The following GALNTL6 variants were observed in gnomAD, a reference collection of about 807,000 sequenced individuals.
GALNTL6 encodes the protein polypeptide N-acetylgalactosaminyltransferase-like 6.
Under a neutral mutation model 73.7 loss-of-function variants are expected in GALNTL6, and 46 were observed. The observed-to-expected ratio is 0.62, with a 90% confidence interval of 0.49 to 0.80. The LOEUF (loss-of-function observed/expected upper bound fraction) is 0.80. Among genes scored for constraint, GALNTL6 ranks in the 30% least tolerant of loss-of-function variants. The probability of loss-of-function intolerance (pLI) is 0.00; values close to 1 mark genes in which losing one functional copy is unlikely to be tolerated. For synonymous variants in GALNTL6, 259 were observed against 263.7 expected (o/e 0.98, Z 0.17); for missense variants, 604 against 755.0 (o/e 0.80, Z 2.34).
chr4:172,988,968 C>T (rs991418164), intron 10 of GALNTL6, among the ~76,000 whole-genome samples: 1 of 152,226 alleles, frequency 6.6e-6, no homozygotes, highest in Non-Finnish European at 1.5e-5. Context: ...GGGGCAAGCC[C>T]TCATGGAGAA....
chr4:172,997,026 A>G (rs1751826958), intron 10 of GALNTL6, among the ~76,000 whole-genome samples: 1 of 152,034 alleles, frequency 6.6e-6, no homozygotes, highest in South Asian at 2.1e-4. Flanking sequence ...CTTCATTGTC[A>G]TGTCTCCATC....
chr4:171,951,038 G>C (rs1324026101), intron 2 of GALNTL6, among the ~76,000 whole-genome samples: 12 of 152,050 alleles, frequency 7.9e-5, no homozygotes, highest in Admixed American at 7.9e-4. Context: ...AAGTGTATCA[G>C]TCTATTTAAT....
intron 7 of GALNTL6, among the ~76,000 whole-genome samples, chr4:172,816,451 T>G (rs980136570): frequency 1.3e-5 from 2 of 152,198 alleles, no homozygotes; most frequent in African/African-American, 4.8e-5. Context: ...TGGATTGAAT[T>G]CAATTGAAAA....
chr4:172,482,343 GCTC>G (rs750795217), intron 5 of GALNTL6, among the ~76,000 whole-genome samples: 24 of 152,242 alleles, frequency 1.6e-4, no homozygotes, highest in Non-Finnish European at 3.1e-4. Flanking sequence ...GGGCTGAAGG[GCTC>G]CTCAAGCGTG....
chr4:172,927,652 G>C (rs528441148), intron 8 of GALNTL6, among the ~76,000 whole-genome samples: 1 of 152,192 alleles, frequency 6.6e-6, no homozygotes, highest in East Asian at 1.9e-4. Context: ...AGTGCTGGCA[G>C]CTAATGTTGG....
chr4:172,528,963 A>ATATATATATATATATATG (rs1350827830), intron 5 of GALNTL6, among the ~76,000 whole-genome samples: 771 of 30,226 alleles, frequency 0.026, 58 homozygotes, highest in African/African-American at 0.049. Flanking sequence ...ATATATATAT[A>ATATATATATATATATATG]TGTGTGTGTA....
intron 2 of GALNTL6, among the ~76,000 whole-genome samples, chr4:172,177,819 G>GTATATATATACATGTGTA (rs1242145425): frequency 7.6e-6 from 1 of 131,390 alleles, no homozygotes; most frequent in African/African-American, 3.3e-5. Context: ...ATATGTGTGT[G>GTATATATATACATGTGTA]TATATATACA....
chr4:172,302,043 T>C (rs1739950079), intron 3 of GALNTL6, among the ~76,000 whole-genome samples: 1 of 152,132 alleles, frequency 6.6e-6, no homozygotes, highest in Non-Finnish European at 1.5e-5. Flanking sequence ...AGCCGCTTTG[T>C]TTACCTACTC....
At chr4:172,686,061 A>G (rs1416500964) in intron 5 of GALNTL6, among the ~76,000 whole-genome samples, 1 of 152,198 alleles carries the variant, frequency 6.6e-6, no homozygotes, top group Non-Finnish European at 1.5e-5. Context: ...TTAGACCACT[A>G]TATTTTTTTA....
At chr4:172,896,860 G>C (rs984479874) in intron 8 of GALNTL6, among the ~76,000 whole-genome samples, 2 of 152,130 alleles carry the variant, frequency 1.3e-5, no homozygotes, top group African/African-American at 4.8e-5. Context: ...GGAGAGCTGG[G>C]AGCTGATACT....
chr4:172,935,849 G>C (rs1038909537), intron 9 of GALNTL6, among the ~76,000 whole-genome samples: 1 of 152,114 alleles, frequency 6.6e-6, no homozygotes, highest in African/African-American at 2.4e-5. Flanking sequence ...TTCTACCAGA[G>C]GTACAAAGAG....
chr4:171,821,261 C>T (rs1469006015), intron 2 of GALNTL6, among the ~76,000 whole-genome samples: 1 of 151,998 alleles, frequency 6.6e-6, no homozygotes, highest in Non-Finnish European at 1.5e-5. Context: ...AGGCTGGTCT[C>T]AACTCCTACT....
At chr4:172,205,929 T>C (rs1213682767) in intron 2 of GALNTL6, among the ~76,000 whole-genome samples, 1 of 152,188 alleles carries the variant, frequency 6.6e-6, no homozygotes, top group Non-Finnish European at 1.5e-5. Flanking sequence ...CATCAATGGA[T>C]TGAAAATATA....
chr4:172,237,410 C>A (rs1220840429), intron 3 of GALNTL6, among the ~76,000 whole-genome samples: 2 of 152,026 alleles, frequency 1.3e-5, no homozygotes, highest in African/African-American at 4.8e-5. Context: ...GTGTTCATAT[C>A]CTTTGCCCAC....
intron 5 of GALNTL6, among the ~76,000 whole-genome samples, chr4:172,399,308 A>G (rs1743958395): frequency 6.6e-6 from 1 of 152,050 alleles, no homozygotes; most frequent in Non-Finnish European, 1.5e-5. Flanking sequence ...TATTGCATAA[A>G]TTTTTATTTT....
At chr4:172,813,824 A>T in intron 7 of GALNTL6, 101 bp downstream of exon 7, 1 of 894,404 alleles carries the variant, frequency 1.1e-6, no homozygotes, top group Non-Finnish European at 1.7e-6. Flanking sequence ...ACAAAATGGA[A>T]TAAAACAGGC....
At chr4:172,513,399 T>C (rs1734493664) in intron 5 of GALNTL6, among the ~76,000 whole-genome samples, 1 of 152,242 alleles carries the variant, frequency 6.6e-6, no homozygotes, top group African/African-American at 2.4e-5. Context: ...ATAATCGAAC[T>C]TCTGAATTCT....
chr4:172,269,945 G>A (rs1041941511), intron 3 of GALNTL6, among the ~76,000 whole-genome samples: 5 of 151,840 alleles, frequency 3.3e-5, no homozygotes, highest in Non-Finnish European at 5.9e-5. Flanking sequence ...TAGTAGAGAC[G>A]GTTTCGCCAT....
At position 172,338,516 on chromosome 4, in the gene GALNTL6, T is replaced by C. The variant is rs59268389; in HGVS notation, c.387-10007T>C. Among the ~76,000 whole-genome samples, 1,112 of 152,228 alleles carry C rather than the reference T, an allele frequency of 7.3e-3. 16 individuals are homozygous for C. Among genetic ancestry groups the C allele is most frequent in the African/African-American group, 0.025 (1,035 of 41,556 alleles). ...GGGTATGACTGTAGAGAATGTTGGA[T>C]AGGGTCTTTTGGCTTTGTTTCTTCA... On this transcript the variant is annotated intron_variant, in intron 4 of 12. Coordinates refer to ENST00000506823, the MANE Select transcript of GALNTL6 (RefSeq NM_001034845.3).
Sources: gnomAD v4.1 joint callset for allele counts (sites outside exome capture counted in the v4.1 genomes callset) on GRCh38, gnomAD v4.1.1 for gene constraint, MANE v1.5 for transcripts, NCBI Gene and HGNC (gene_info 2026-07-23, HGNC 2026-07-21) for gene names.